PCNX1: variants seen among roughly 807,000 people sequenced by gnomAD.
PCNX1 encodes pecanex-like protein 1.
In PCNX1, 78 loss-of-function variants were observed where a neutral mutation model predicts 242.2. That is an observed-to-expected ratio of 0.32 (90% CI 0.27 to 0.39). The LOEUF is 0.39. PCNX1 is among the 10% of genes least tolerant of loss of function. The pLI is 1.00. For synonymous variants in PCNX1, 1,024 were observed against 1,032.9 expected (o/e 0.99, Z 0.17); for missense variants, 2,581 against 2,856.5 (o/e 0.90, Z 2.20).
intron 13 of PCNX1, among the ~76,000 whole-genome samples, chr14:71,024,508 A>T (rs903634971): frequency 7.3e-4 from 110 of 150,564 alleles, no homozygotes; most frequent in East Asian, 3.9e-4. Context: ...CTTTAAAAAA[A>T]TTTTTTTTTT....
intron 26 of PCNX1, among the ~76,000 whole-genome samples, chr14:71,063,993 G>C (rs1038689845): frequency 6.6e-6 from 1 of 152,130 alleles, no homozygotes; most frequent in Non-Finnish European, 1.5e-5. Context: ...ACCAGGTACA[G>C]TTTTAGAAGT....
intron 1 of PCNX1, among the ~76,000 whole-genome samples, chr14:70,928,695 T>C (rs1325693444): frequency 1.3e-5 from 2 of 152,210 alleles, no homozygotes; most frequent in East Asian, 3.8e-4. Context: ...TATTCCTATA[T>C]AGCCATTCTT....
intron 32 of PCNX1, 22 bp downstream of exon 32, chr14:71,103,691 T>C: frequency 6.2e-7 from 1 of 1,611,598 alleles, no homozygotes; most frequent in Non-Finnish European, 8.5e-7. Context: ...GATTGTATTA[T>C]TCAGTGCTGG....
In PCNX1 at chr14:71,108,590, G is replaced by A. The variant is rs1204810370; in HGVS notation, c.6302-14G>A. On this transcript the variant is annotated splice_polypyrimidine_tract_variant and intron_variant, in intron 33 of 35. Transcript: ENST00000304743. The stretch of plus-strand genomic sequence containing the variant: ...CATTCTACTTTGAGTGAGTGCTGCT[G>A]TTTCTCCTCCTAGGCACTAGCCACA... 1.3e-6 allele frequency: 2 copies of A among 1,587,938 alleles called. No individual in the cohort carries two copies. Among genetic ancestry groups the A allele is most frequent in the Admixed American group, 1.7e-5 (1 of 58,510 alleles).
chr14:70,956,622 G>A (rs1051553469), intron 2 of PCNX1, among the ~76,000 whole-genome samples: 11 of 152,118 alleles, frequency 7.2e-5, no homozygotes, highest in African/African-American at 2.4e-4. Flanking sequence ...GGGTTTCACA[G>A]ACCTGGTTTT....
Position 71,045,302 on chromosome 14 carries a change from C to T in PCNX1, c.4018+19C>T. ...GTTCGAAGTAAGTATTTCATTAGCA[C>T]TTTTTCTTTTTAATACTATGAGTTT... On this transcript the variant is annotated intron_variant, in intron 20 of 35. Coordinates refer to ENST00000304743, the MANE Select transcript of PCNX1 (RefSeq NM_014982.3). 6.4e-7 allele frequency: 1 copy of T among 1,559,770 alleles called. No homozygotes were observed. The highest frequency in any genetic ancestry group is 8.7e-7 in the Non-Finnish European group (1 of 1,143,732).
intron 2 of PCNX1, among the ~76,000 whole-genome samples, chr14:70,958,897 G>GTTTTT (rs1491422568): frequency 3.5e-5 from 1 of 28,312 alleles, no homozygotes. Flanking sequence ...ATTTGGGGTT[G>GTTTTT]CTTTTTTTTT....
chr14:70,959,916 A>G (rs1261200508), intron 2 of PCNX1, among the ~76,000 whole-genome samples: 3 of 135,198 alleles, frequency 2.2e-5, no homozygotes, highest in East Asian at 2.1e-4. Context: ...TTTAATGATC[A>G]CCATTCTAAC....
chr14:71,061,503 CAACCA>C (rs2061325410), intron 26 of PCNX1, among the ~76,000 whole-genome samples: 1 of 152,180 alleles, frequency 6.6e-6, no homozygotes, highest in African/African-American at 2.4e-5. Context: ...CTCTCTGATC[CAACCA>C]ATGGATCAAG....
chr14:70,936,130 A>AT (rs374758493), intron 1 of PCNX1, among the ~76,000 whole-genome samples: 1 of 152,028 alleles, frequency 6.6e-6, no homozygotes, highest in Non-Finnish European at 1.5e-5. Flanking sequence ...TTTTATTTTT[A>AT]TTTTTTATTT....
chr14:70,998,682 C>T (rs138993334), intron 8 of PCNX1, among the ~76,000 whole-genome samples: 3 of 136,264 alleles, frequency 2.2e-5, no homozygotes, highest in Admixed American at 8.1e-5. Context: ...ATCTGGGAGG[C>T]GGAGGTTGCA....
At chr14:71,061,251 A>C (rs1030077926) in intron 26 of PCNX1, among the ~76,000 whole-genome samples, 1 of 152,198 alleles carries the variant, frequency 6.6e-6, no homozygotes, top group African/African-American at 2.4e-5. Context: ...CAGGGCCTTC[A>C]AGCTTATCAC....
chr14:71,032,883 A>G (rs1566725065), intron 16 of PCNX1, among the ~76,000 whole-genome samples: 1 of 152,214 alleles, frequency 6.6e-6, no homozygotes, highest in African/African-American at 2.4e-5. Flanking sequence ...TTCTGGGTAT[A>G]TGCAGTCATT....
chr14:70,962,910 CCTT>C (rs2058267341), intron 3 of PCNX1, among the ~76,000 whole-genome samples: 1 of 152,194 alleles, frequency 6.6e-6, no homozygotes, highest in Non-Finnish European at 1.5e-5. Context: ...CTCCTGCTGT[CCTT>C]CTCAGCAGAT....
intron 8 of PCNX1, among the ~76,000 whole-genome samples, chr14:70,999,250 G>A (rs1234330024): frequency 6.6e-6 from 1 of 152,114 alleles, no homozygotes; most frequent in African/African-American, 2.4e-5. Context: ...TGCCATTATA[G>A]CTGGTAGTTA....
At chr14:70,979,342 CTTAT>C (rs1450760477) in intron 6 of PCNX1, among the ~76,000 whole-genome samples, 2 of 151,926 alleles carry the variant, frequency 1.3e-5, no homozygotes, top group South Asian at 2.1e-4. Context: ...AAAGTAATAG[CTTAT>C]TTATTTCAGG....
At position 71,102,111 on chromosome 14, in the gene PCNX1, T is replaced by C; in HGVS notation, c.5711T>C (p.Leu1904Pro). The C allele has an allele frequency of 6.2e-7, 1 of 1,613,890 alleles. No homozygotes were observed. The highest frequency in any genetic ancestry group is 8.5e-7 in the Non-Finnish European group (1 of 1,179,772). Residue 1904 changes from leucine (L) to proline (P), a missense_variant, in exon 31 of 36, where the codon CTT becomes CCT. By Grantham distance (98) the Leu-to-Pro change is moderately conservative. Coordinates refer to ENST00000304743, the MANE Select transcript of PCNX1 (RefSeq NM_014982.3). ...EGDPAWRSAV[L>P]ANSPSLLALR... ...GACCCTGCATGGCGGAGTGCAGTACTTGCCAACTCTCCCTCCTTGCTTGCT... is the reference window on the plus strand; with the variant it reads ...GACCCTGCATGGCGGAGTGCAGTACCTGCCAACTCTCCCTCCTTGCTTGCT...
At chr14:70,927,685 G>A (rs558678605) in intron 1 of PCNX1, among the ~76,000 whole-genome samples, 2 of 152,026 alleles carry the variant, frequency 1.3e-5, no homozygotes, top group South Asian at 4.2e-4. Flanking sequence ...TGCCTCCCAG[G>A]TTCAAGCGAT....
intron 8 of PCNX1, among the ~76,000 whole-genome samples, chr14:70,998,128 A>T (rs951904060): frequency 4.6e-5 from 7 of 151,154 alleles, no homozygotes; most frequent in African/African-American, 7.3e-5. Context: ...GTTTTGCATT[A>T]AAAAAAAACT....
Sources: allele counts gnomAD v4.1 joint callset (sites outside exome capture counted in the v4.1 genomes callset), GRCh38; gene constraint gnomAD v4.1.1; transcripts MANE v1.5; gene names NCBI Gene and HGNC (gene_info 2026-07-23, HGNC 2026-07-21).